Variants in FKBP15 observed in about 807,000 individuals in gnomAD.
FKBP15 encodes the protein FK506-binding protein 15.
A neutral mutation model predicts 158.1 loss-of-function variants in FKBP15; 106 were observed. That is an observed-to-expected ratio of 0.67 (90% confidence interval 0.57 to 0.79). The LOEUF (loss-of-function observed/expected upper bound fraction) is 0.79, where lower values mean the gene tolerates loss of function less well. FKBP15 is among the 30% of genes least tolerant of loss of function. The pLI, the probability that FKBP15 is intolerant of heterozygous loss-of-function variation, is 0.00. For missense variants in FKBP15, 1,287 were observed against 1,479.1 expected (o/e 0.87, Z 2.13); for synonymous variants, 547 against 548.6 (o/e 1.00, Z 0.04).
At chr9:113,193,166 AT>A (rs780787933) in intron 11 of FKBP15, among the ~76,000 whole-genome samples, 58 of 152,196 alleles carry the variant, frequency 3.8e-4, no homozygotes, top group Non-Finnish European at 7.4e-4. Context: ...CAAGATTTGA[AT>A]CCCTATGCAG....
chr9:113,187,529 AAAAGG>A (rs1830505631), intron 14 of FKBP15: 1 of 421,052 alleles, frequency 2.4e-6, no homozygotes, highest in Non-Finnish European at 4.5e-6. Flanking sequence ...GTGTGAAAAG[AAAAGG>A]AAACAAACAT....
chr9:113,171,074 T>A (rs1830200184), intron 24 of FKBP15, among the ~76,000 whole-genome samples: 1 of 152,234 alleles, frequency 6.6e-6, no homozygotes. Flanking sequence ...GGTTTGCCAC[T>A]TAATATGTAA....
At position 113,203,008 on chromosome 9, in the gene FKBP15, G is replaced by A; in HGVS notation, c.352C>T (p.Gln118Ter). The change falls in exon 5 of 28, where the codon CAA becomes TAA. Residue 118 changes from glutamine to a stop codon, truncating the protein, a stop_gained. Coordinates refer to ENST00000238256, the MANE Select transcript of FKBP15 (RefSeq NM_015258.2). LOFTEE classifies it high-confidence loss of function. The stretch of plus-strand genomic sequence containing the variant: ...ATCCTAGCAACCGTAACTGGCTGTT[G>A]TTGACTGATATAAAGAAGAATCCTA... ...EYRILLYISQ[Q>*]QPVTVARIHV... 6.2e-7 allele frequency: 1 copy of A among 1,612,204 alleles called. No individual in the cohort carries two copies. Among genetic ancestry groups the A allele is most frequent in the South Asian group, 1.1e-5 (1 of 90,862 alleles).
intron 1 of FKBP15, among the ~76,000 whole-genome samples, chr9:113,213,728 CAAG>C (rs753350233): frequency 2.6e-5 from 4 of 152,074 alleles, no homozygotes; most frequent in African/African-American, 7.2e-5. Context: ...GAGTTCCTAC[CAAG>C]AAGAAGACCT....
At chr9:113,211,832 C>T (rs913233963) in intron 1 of FKBP15, among the ~76,000 whole-genome samples, 2 of 152,072 alleles carry the variant, frequency 1.3e-5, no homozygotes, top group Non-Finnish European at 2.9e-5. Context: ...TGAACATCAT[C>T]AGTTGACCCT....
rs1442967141 is a variant in FKBP15, at chr9:113,162,518, GGAAGCTT to G, written c.*3553_*3559del. On this transcript the variant is annotated 3_prime_UTR_variant, in exon 28 of 28. Coordinates refer to ENST00000238256, the MANE Select transcript of FKBP15 (RefSeq NM_015258.2). ...ATTTTCCCCTTTGCCTAGGATGCCA[GGAAGCTT>G]GAAACCAAATGTAGTGAAGATATGT... 2 of 376,458 alleles carry G rather than the reference GGAAGCTT, an allele frequency of 5.3e-6. No homozygotes were observed. The highest frequency in any genetic ancestry group is 4.4e-5 in the African/African-American group (2 of 44,944). 23.3% of individuals were successfully genotyped at this position (376,458 alleles called of 1,614,324 possible). A position where few individuals can be genotyped will look rare whatever the true frequency, so the allele number is the denominator to read the frequency against.
At chr9:113,220,623 G>A (rs753827010) in intron 1 of FKBP15, among the ~76,000 whole-genome samples, 1 of 152,202 alleles carries the variant, frequency 6.6e-6, no homozygotes, top group African/African-American at 2.4e-5. Flanking sequence ...AACACCATAA[G>A]CAGTCCCTGT....
At chr9:113,178,545 T>A in intron 20 of FKBP15, 85 bp downstream of exon 20, 1 of 1,414,610 alleles carries the variant, frequency 7.1e-7, no homozygotes, top group Non-Finnish European at 9.4e-7. Flanking sequence ...ATGAGCATCA[T>A]GCCAAAAAAA....
chr9:113,218,263 A>T (rs563590924), intron 1 of FKBP15, among the ~76,000 whole-genome samples: 43 of 152,024 alleles, frequency 2.8e-4, no homozygotes, highest in Middle Eastern at 3.4e-3. Context: ...TTTCAGATCC[A>T]GGCTCTATTA....
intron 11 of FKBP15, among the ~76,000 whole-genome samples, chr9:113,191,843 G>A (rs1326650314): frequency 6.6e-6 from 1 of 151,692 alleles, no homozygotes; most frequent in Non-Finnish European, 1.5e-5. Flanking sequence ...GAATAGGGTA[G>A]ATAAGGACAG....
At position 113,202,987 on chromosome 9, in the gene FKBP15, T is replaced by C. The variant is rs746747011; in HGVS notation, c.373A>G (p.Arg125Gly). The change falls in exon 5 of 28, where the codon AGG (arginine) becomes GGG (glycine). Residue 125 changes from arginine to glycine, a missense_variant. Arg to Gly is a moderately radical substitution (Grantham distance 125). Transcript: ENST00000238256. ...ATTAGCTCAAAGTTCACATGAATCC[T>C]AGCAACCGTAACTGGCTGTTGTTGA... ...ISQQQPVTVA[R>G]IHVNFELMVR... 45 of 1,612,840 alleles carry C rather than the reference T, an allele frequency of 2.8e-5. No homozygotes were observed. The highest frequency in any genetic ancestry group is 3.7e-5 in the Non-Finnish European group (44 of 1,179,526).
intron 4 of FKBP15, among the ~76,000 whole-genome samples, chr9:113,205,325 A>G (rs1830867398): frequency 6.6e-6 from 1 of 152,218 alleles, no homozygotes; most frequent in Non-Finnish European, 1.5e-5. Context: ...CAACAAAAAG[A>G]CAAACAATCC....
At chr9:113,171,501 T>C (rs537840390) in intron 24 of FKBP15, 80 bp downstream of exon 24, 2 of 1,482,946 alleles carry the variant, frequency 1.3e-6, no homozygotes, top group East Asian at 2.4e-5. Flanking sequence ...GAAAAAGAGC[T>C]ATTAACACAA....
rs948041474 is a variant in FKBP15, at chr9:113,169,773, G to A, written c.2936C>T (p.Ser979Phe). 6 of 1,602,748 alleles carry A rather than the reference G, an allele frequency of 3.7e-6. No individual in the cohort carries two copies. In the African/African-American group the frequency reaches 6.7e-5, roughly 18 times the overall value. ...QAPLNRERPE[S>F]PMVPSEQVVE... ...CACCTGCTCTGAGGGCACCATGGGG[G>A]ACTCTGGCCTCTCCCTATTCAGGGG... Residue 979 changes from serine (S) to phenylalanine (F), a missense_variant, in exon 26 of 28, where the codon TCC (serine) becomes TTC (phenylalanine). Physicochemically the swap from Ser to Phe is radical, Grantham distance 155 (BLOSUM62 -2). Coordinates refer to ENST00000238256, the MANE Select transcript of FKBP15 (RefSeq NM_015258.2).
chr9:113,190,821 C>T (rs1208954124), intron 11 of FKBP15, among the ~76,000 whole-genome samples: 1 of 152,186 alleles, frequency 6.6e-6, no homozygotes, highest in Admixed American at 6.5e-5. Flanking sequence ...ACATACATTG[C>T]CTCATTTCAA....
chr9:113,169,643 A>T lies in FKBP15; in HGVS notation c.3066T>A (p.Asp1022Glu), dbSNP rs1830167935. 1 of 1,613,862 alleles carries T rather than the reference A, an allele frequency of 6.2e-7. No homozygotes were observed. Among genetic ancestry groups the T allele is most frequent in the Non-Finnish European group, 8.5e-7 (1 of 1,179,884 alleles). ...SEAEALSEIK[D>E]GSLPPELSCI... ...AAGACAGTTCGGGTGGAAGGGAACC[A>T]TCTTTTATCTCTGAGAGTGCCTCAG... Residue 1022 changes from aspartate (D) to glutamate (E), a missense_variant, in exon 26 of 28, where the codon GAT (aspartate) becomes GAA (glutamate). Transcript: ENST00000238256.
chr9:113,194,105 G>A lies in FKBP15; in HGVS notation c.929C>T (p.Pro310Leu). 9 of 1,613,500 alleles carry A rather than the reference G, an allele frequency of 5.6e-6. No individual in the cohort carries two copies. Among genetic ancestry groups the A allele is most frequent in the East Asian group, 2.2e-5 (1 of 44,870 alleles). The change falls in exon 10 of 28, where the codon CCG becomes CTG. Residue 310 changes from proline (P) to leucine (L), a missense_variant. Transcript: ENST00000238256. ...GTTGTCAGCACCAGGGATGGGAGAC[G>A]GAGCTGCAGAATCGCGGGAACTAAC... The part of the protein sequence containing the change: ...HSVSSRDSAA[P>L]SPIPGADNLS...
intron 1 of FKBP15, 46 bp downstream of exon 1, chr9:113,221,145 G>T (rs891301011): frequency 7.0e-6 from 11 of 1,564,800 alleles, no homozygotes; most frequent in Admixed American, 1.8e-5. Context: ...CAATCCGCCG[G>T]TATCTCTCAG....
chr9:113,206,614 TC>T (rs1830892279), intron 3 of FKBP15, 36 bp from the exon 4 acceptor site: 1 of 1,537,876 alleles, frequency 6.5e-7, no homozygotes, highest in South Asian at 1.1e-5. Context: ...TATTAATACT[TC>T]CCTAAATTCT....
Sources: allele counts gnomAD v4.1 joint callset (sites outside exome capture counted in the v4.1 genomes callset), GRCh38; gene constraint gnomAD v4.1.1; transcripts MANE v1.5; gene names NCBI Gene and HGNC (gene_info 2026-07-23, HGNC 2026-07-21).